NPNT: variants seen among roughly 807,000 people sequenced by gnomAD.
The protein encoded by NPNT is preosteoblast EGF-like repeat protein with MAM domain.
Under a neutral mutation model 68.6 loss-of-function variants are expected in NPNT, and 45 were observed. The ratio of observed to expected loss-of-function variants is 0.66; its 90% confidence interval spans 0.52 to 0.84. The LOEUF (loss-of-function observed/expected upper bound fraction) is 0.84, where lower values mean the gene tolerates loss of function less well. Among genes scored for constraint, NPNT ranks in the 40% least tolerant of loss-of-function variants. NPNT has a pLI of 0.00. For synonymous variants in NPNT, 233 were observed against 253.3 expected (o/e 0.92, Z 0.76); for missense variants, 672 against 714.8 (o/e 0.94, Z 0.68).
At chr4:105,908,053 G>A (rs1452031878) in intron 2 of NPNT, among the ~76,000 whole-genome samples, 1 of 151,986 alleles carries the variant, frequency 6.6e-6, no homozygotes, top group Non-Finnish European at 1.5e-5. Context: ...AAATCAACCT[G>A]TTATTCTTAA....
chr4:105,970,873 G>A lies in NPNT; in HGVS notation c.*1883G>A. 3.3e-6 allele frequency: 1 copy of A among 304,902 alleles called. No homozygotes were observed. Among genetic ancestry groups the A allele is most frequent in the Non-Finnish European group, 6.4e-6 (1 of 155,086 alleles). 18.9% of individuals were successfully genotyped at this position (304,902 alleles called of 1,614,324 possible). A position where few individuals can be genotyped will look rare whatever the true frequency, so the allele number is the denominator to read the frequency against. ...CCCTCTTGACCTCCTAATGGAGAGG[G>A]ATTGAAAGGGGAAGAGCCCACCAAA... On this transcript the variant is annotated 3_prime_UTR_variant, in exon 12 of 12. Transcript: ENST00000379987.
At chr4:105,955,708 T>C (rs1030822213) in intron 8 of NPNT, among the ~76,000 whole-genome samples, 37 of 152,292 alleles carry the variant, frequency 2.4e-4, no homozygotes, top group African/African-American at 8.2e-4. Flanking sequence ...TTGGTTTGTT[T>C]TTCTTGTACA....
chr4:105,915,171 A>C lies in NPNT; in HGVS notation c.173-12165A>C, dbSNP rs376035981. 1.3e-3 allele frequency among the ~76,000 whole-genome samples: 195 copies of C among 152,244 alleles called. 2 individuals are homozygous for C. Among genetic ancestry groups the C allele is most frequent in the South Asian group, 0.01 (50 of 4,830 alleles). ...AGGAGTCTATCAGCTGGGGCCTCTT[A>C]AGTAGCTGGCCCATTTGGAAGAAGT... On this transcript the variant is annotated intron_variant, in intron 2 of 11. Transcript: ENST00000379987.
At chr4:105,965,801 C>T (rs1732081996) in intron 10 of NPNT, among the ~76,000 whole-genome samples, 1 of 152,170 alleles carries the variant, frequency 6.6e-6, no homozygotes, top group African/African-American at 2.4e-5. Flanking sequence ...TATTTCCCTG[C>T]AGTTTTTTGC....
chr4:105,935,772 A>G (rs1729445872), intron 3 of NPNT, among the ~76,000 whole-genome samples: 1 of 152,218 alleles, frequency 6.6e-6, no homozygotes, highest in Non-Finnish European at 1.5e-5. Flanking sequence ...TCAGTAAGAT[A>G]TGAAAATTTT....
chr4:105,903,562 G>A (rs1241908295), intron 2 of NPNT, among the ~76,000 whole-genome samples: 5 of 152,116 alleles, frequency 3.3e-5, no homozygotes, highest in African/African-American at 9.7e-5. Context: ...AGGAGAAAAT[G>A]TATTCATTTC....
At chr4:105,926,518 A>G (rs766542471) in intron 2 of NPNT, among the ~76,000 whole-genome samples, 1 of 152,294 alleles carries the variant, frequency 6.6e-6, no homozygotes, top group Non-Finnish European at 1.5e-5. Flanking sequence ...TGTGACAACC[A>G]AAAATGTCTC....
At chr4:105,940,681 C>T in intron 7 of NPNT, 45 bp downstream of exon 7, 5 of 1,568,090 alleles carry the variant, frequency 3.2e-6, no homozygotes, top group Non-Finnish European at 3.5e-6. Flanking sequence ...GCAGGAAATA[C>T]AGGATTACAC....
chr4:105,915,636 C>G (rs1727750706), intron 2 of NPNT, among the ~76,000 whole-genome samples: 1 of 152,112 alleles, frequency 6.6e-6, no homozygotes, highest in Non-Finnish European at 1.5e-5. Context: ...AAGATGTAAT[C>G]AAGATTACTC....
intron 5 of NPNT, among the ~76,000 whole-genome samples, chr4:105,939,701 G>C (rs1459265242): frequency 6.6e-6 from 1 of 152,156 alleles, no homozygotes; most frequent in African/African-American, 2.4e-5. Context: ...GGTGGATTAA[G>C]AGAAAAGTAG....
At chr4:105,910,898 G>A (rs1727310682) in intron 2 of NPNT, among the ~76,000 whole-genome samples, 1 of 152,150 alleles carries the variant, frequency 6.6e-6, no homozygotes, top group African/African-American at 2.4e-5. Flanking sequence ...AGAACATAAT[G>A]ATGTTTGCTA....
chr4:105,935,765 G>A (rs1729444923), intron 3 of NPNT, among the ~76,000 whole-genome samples: 1 of 152,134 alleles, frequency 6.6e-6, no homozygotes, highest in East Asian at 1.9e-4. Context: ...TGGAAAATCA[G>A]TAAGATATGA....
intron 2 of NPNT, among the ~76,000 whole-genome samples, chr4:105,906,708 A>G (rs28654909): frequency 0.02 from 3,067 of 152,322 alleles, 105 homozygotes; most frequent in African/African-American, 0.069. Flanking sequence ...GTAATCAACT[A>G]ATGGAGTTGA....
intron 10 of NPNT, among the ~76,000 whole-genome samples, chr4:105,961,933 A>C (rs566641921): frequency 6.6e-6 from 1 of 152,204 alleles, no homozygotes; most frequent in Non-Finnish European, 1.5e-5. Context: ...CAGCATTCGA[A>C]AAATTAGATT....
intron 2 of NPNT, among the ~76,000 whole-genome samples, chr4:105,904,653 T>C (rs1726729681): frequency 6.6e-6 from 1 of 152,166 alleles, no homozygotes; most frequent in Admixed American, 6.5e-5. Flanking sequence ...GCTTAATTCA[T>C]TGATCTTTTA....
At chr4:105,930,412 C>T (rs1179223219) in intron 3 of NPNT, among the ~76,000 whole-genome samples, 1 of 152,188 alleles carries the variant, frequency 6.6e-6, no homozygotes, top group East Asian at 1.9e-4. Flanking sequence ...CTGTCAGGAT[C>T]AGGGAAGCTG....
intron 8 of NPNT, among the ~76,000 whole-genome samples, chr4:105,954,793 T>A (rs1186283621): frequency 6.6e-6 from 1 of 152,358 alleles, no homozygotes; most frequent in East Asian, 1.9e-4. Flanking sequence ...TTATGACGTG[T>A]ATCCTCCCCA....
rs905469614 is a variant in NPNT, at chr4:105,971,342, A to G, written c.*2352A>G. 3.6e-6 allele frequency: 1 copy of G among 275,934 alleles called. No individual in the cohort carries two copies. The highest frequency in any genetic ancestry group is 7.6e-6 in the Non-Finnish European group (1 of 130,806). The allele number at this position is 275,934 out of a possible 1,614,324, so 17.1% of individuals were successfully genotyped here. A position where few individuals can be genotyped will look rare whatever the true frequency, so the allele number is the denominator to read the frequency against. ...TAGGTACAATAGAAGGTCTTCTGTC[A>G]TTTAACCTGGTAAAGGCAGGGCTGG... On this transcript the variant is annotated 3_prime_UTR_variant, in exon 12 of 12. Coordinates refer to ENST00000379987, the MANE Select transcript of NPNT (RefSeq NM_001033047.3).
chr4:105,967,705 C>T (rs1732283896), intron 11 of NPNT, among the ~76,000 whole-genome samples: 1 of 151,802 alleles, frequency 6.6e-6, no homozygotes, highest in African/African-American at 2.4e-5. Context: ...AAAAAAAAAT[C>T]TAGGAATAGA....
Sources: allele counts gnomAD v4.1 joint callset (sites outside exome capture counted in the v4.1 genomes callset), GRCh38; gene constraint gnomAD v4.1.1; transcripts MANE v1.5; gene names NCBI Gene and HGNC (gene_info 2026-07-23, HGNC 2026-07-21).